The following HDGF variants were observed in gnomAD, a reference collection of about 807,000 sequenced individuals.
The protein encoded by HDGF is hepatoma-derived growth factor.
Under a neutral mutation model 30.0 loss-of-function variants are expected in HDGF, and 5 were observed. The observed-to-expected ratio is 0.17, with a 90% CI of 0.09 to 0.35. HDGF has a LOEUF of 0.35. HDGF is among the 10% of genes least tolerant of loss of function. HDGF has a pLI of 1.00. For missense variants in HDGF, 214 were observed against 302.8 expected (o/e 0.71, Z 2.18); for synonymous variants, 133 against 112.7 (o/e 1.18, Z -1.14).
Position 156,743,297 on chromosome 1 carries a change from T to C in HDGF, c.*152A>G, listed in dbSNP as rs761518823. The C allele has an allele frequency of 1.1e-5, 9 of 806,514 alleles. No individual in the cohort carries two copies. Among genetic ancestry groups the C allele is most frequent in the Middle Eastern group, 7.1e-4 (2 of 2,826 alleles). The allele number at this position is 806,514 out of a possible 1,614,324, so 50.0% of individuals were successfully genotyped here. On this transcript the variant is annotated 3_prime_UTR_variant, in exon 6 of 6. Transcript: ENST00000357325. ...CCTGCCCCATCCAGGTCAATCTCCA[T>C]GGGCTGGGCTTGGAGTGGGAAAAGT...
At chr1:156,746,751 A>ACTTGCAGCAGCCCCAGCAGCC in intron 1 of HDGF, among the ~76,000 whole-genome samples, 1 of 152,208 alleles carries the variant, frequency 6.6e-6, no homozygotes, top group Non-Finnish European at 1.5e-5. Context: ...TCCCAGCAGC[A>ACTTGCAGCAGCCCCAGCAGCC]CTTGCAGCAG....
chr1:156,748,358 A>G (rs1156845837), intron 1 of HDGF, among the ~76,000 whole-genome samples: 4 of 152,204 alleles, frequency 2.6e-5, no homozygotes, highest in South Asian at 4.1e-4. Flanking sequence ...CTGTACCCCA[A>G]TACAGACATC....
At chr1:156,766,872 G>A (rs1368490457) in exon 1 of HDGF, 1 of 152,296 alleles carries the variant, frequency 6.6e-6, no homozygotes, top group Non-Finnish European at 1.5e-5. Flanking sequence ...TCCAGGGTAA[G>A]GTGTGTTCCT....
In HDGF at chr1:156,751,526, T is replaced by A. The variant is rs2102729701; in HGVS notation, c.-97A>T. On this transcript the variant is annotated 5_prime_UTR_variant, in exon 1 of 6. Transcript: ENST00000357325. This position sits in a 1 kb window ranked among gnomAD's most constrained non-coding sequence, Gnocchi z 4.7. ...TGGCGGCGCCGCTCCGCTCCGGCCCTCGCGCGGCCCCCGCCTCGATGGTGG... is the reference window on the plus strand; with the variant it reads ...TGGCGGCGCCGCTCCGCTCCGGCCCACGCGCGGCCCCCGCCTCGATGGTGG... 9.5e-7 allele frequency: 1 copy of A among 1,055,028 alleles called. No homozygotes were observed. Among genetic ancestry groups the A allele is most frequent in the Admixed American group, 5.8e-5 (1 of 17,310 alleles). The allele number at this position is 1,055,028 out of a possible 1,614,324, so 65.4% of individuals were successfully genotyped here.
intron 3 of HDGF, 135 bp downstream of exon 3, chr1:156,744,873 C>T (rs1650417011): frequency 1.9e-6 from 2 of 1,069,854 alleles, no homozygotes; most frequent in Non-Finnish European, 2.8e-6. Context: ...AGCCCCCTTC[C>T]CACCACCCTG....
chr1:156,752,443 A>G, upstream of HDGF: 1 of 1,320,326 alleles, frequency 7.6e-7, no homozygotes, highest in Non-Finnish European at 1.1e-6. Flanking sequence ...AGATGAGCTC[A>G]GTTCTAGTCG....
At chr1:156,760,394 G>C (rs1326761490) in intron 1 of HDGF, among the ~76,000 whole-genome samples, 1 of 152,198 alleles carries the variant, frequency 6.6e-6, no homozygotes, top group Non-Finnish European at 1.5e-5. Context: ...ATTGAGCCCT[G>C]CCTCTCAGGG....
intron 1 of HDGF, among the ~76,000 whole-genome samples, chr1:156,748,708 A>G (rs1490970245): frequency 6.6e-6 from 1 of 152,178 alleles, no homozygotes; most frequent in Non-Finnish European, 1.5e-5. Context: ...CAGACTAAAA[A>G]CAGACCCAGC....
intron 1 of HDGF, among the ~76,000 whole-genome samples, 180 bp from the exon 2 acceptor site, chr1:156,745,553 G>C (rs1650473125): frequency 6.6e-6 from 1 of 152,154 alleles, no homozygotes; most frequent in Admixed American, 6.5e-5. Context: ...AGTCAGACAT[G>C]AAAGCCCAAC....
chr1:156,751,390 C>G lies in HDGF; in HGVS notation c.40G>C (p.Asp14His). ...SNRQKEYKCG[D>H]LVFAKMKGYP... The stretch of plus-strand genomic sequence containing the variant: ...CCCTTCATCTTGGCGAACACCAGGT[C>G]CCCGCATTTGTACTCCTTCTGCCGG... The change falls in exon 1 of 6, where the codon GAC becomes CAC. Residue 14 changes from aspartate (D) to histidine (H), a missense_variant. By Grantham distance (81) the Asp-to-His change is moderately conservative. Coordinates refer to ENST00000357325, the MANE Select transcript of HDGF (RefSeq NM_004494.3). The surrounding 1 kb of genome is among the most constrained non-coding windows in gnomAD (Gnocchi z 4.7). 1 of 1,609,792 alleles carries G rather than the reference C, an allele frequency of 6.2e-7. No homozygotes were observed. Among genetic ancestry groups the G allele is most frequent in the East Asian group, 2.2e-5 (1 of 44,450 alleles).
chr1:156,757,350 T>C (rs1426689738), upstream of HDGF, among the ~76,000 whole-genome samples: 3 of 151,400 alleles, frequency 2.0e-5, no homozygotes, highest in Admixed American at 6.6e-5. Context: ...CCTGTAATCC[T>C]AGCTACTCGG....
chr1:156,764,236 CT>C (rs1650846863), intron 1 of HDGF, among the ~76,000 whole-genome samples: 1 of 147,504 alleles, frequency 6.8e-6, no homozygotes, highest in African/African-American at 2.5e-5. Context: ...CTTTTTTTTT[CT>C]TTTCTTTTGA....
chr1:156,751,339 T>C lies in HDGF; in HGVS notation c.87+4A>G. 6.2e-7 allele frequency: 1 copy of C among 1,606,790 alleles called. No homozygotes were observed. The highest frequency in any genetic ancestry group is 2.3e-5 in the East Asian group (1 of 44,184). ...GTTAGGGGGCGGCGGGCCGCGCTGC[T>C]CACCCGGGCCGGCCAGTGTGGGTAG... On this transcript the variant is annotated splice_donor_region_variant and intron_variant, in intron 1 of 5. Transcript: ENST00000357325. The surrounding 1 kb of genome is among the most constrained non-coding windows in gnomAD (Gnocchi z 4.7).
chr1:156,746,131 G>A (rs2102709388), intron 1 of HDGF, among the ~76,000 whole-genome samples: 1 of 152,254 alleles, frequency 6.6e-6, no homozygotes, highest in South Asian at 2.1e-4. Context: ...CTCCTGGCCT[G>A]GCCGACTCCC....
rs907795514 is a variant in HDGF, at chr1:156,742,225, TAA to T, written c.*1222_*1223del. The T allele has an allele frequency of 7.9e-5, 12 of 152,470 alleles. No homozygotes were observed. The highest frequency in any genetic ancestry group is 2.9e-4 in the African/African-American group (12 of 41,394). The allele number at this position is 152,470 out of a possible 1,614,324, so 9.4% of individuals were successfully genotyped here. On this transcript the variant is annotated 3_prime_UTR_variant, in exon 6 of 6. Coordinates refer to ENST00000357325, the MANE Select transcript of HDGF (RefSeq NM_004494.3). ...AGAGCCCAAGGGAGAGGGGCCAGGG[TAA>T]AAGAGACGAGACTGTAGAGAGGCAT...
upstream of HDGF, chr1:156,752,424 AC>A: frequency 6.9e-7 from 1 of 1,459,176 alleles, no homozygotes; most frequent in Non-Finnish European, 9.4e-7. Flanking sequence ...CGGCTAGCTA[AC>A]CCCGCAAAGA....
exon 2 of HDGF, chr1:156,759,122 AGAG>A (rs1434174229): frequency 6.6e-6 from 1 of 152,208 alleles, no homozygotes; most frequent in Non-Finnish European, 1.5e-5. Flanking sequence ...TAGGGCAGGA[AGAG>A]GTCAAAGCAC....
chr1:156,759,442 C>T (rs1051064336), intron 1 of HDGF, among the ~76,000 whole-genome samples: 26 of 151,744 alleles, frequency 1.7e-4, no homozygotes, highest in Non-Finnish European at 2.6e-4. Context: ...TTTTGAGACT[C>T]CATATTTGTA....
upstream of HDGF, among the ~76,000 whole-genome samples, chr1:156,755,862 G>A (rs1271875022): frequency 1.3e-5 from 2 of 152,212 alleles, no homozygotes; most frequent in African/African-American, 4.8e-5. Context: ...TGGACACTTT[G>A]TGTGTAACTT....
Sources: gnomAD v4.1 joint callset for allele counts (sites outside exome capture counted in the v4.1 genomes callset) on GRCh38, gnomAD v4.1.1 for gene constraint, Gnocchi (gnomAD v3.1) non-coding constraint, MANE v1.5 for transcripts, NCBI Gene and HGNC (gene_info 2026-07-23, HGNC 2026-07-21) for gene names.